The following ZFP92 variants were observed in gnomAD, a reference collection of about 807,000 sequenced individuals.
The protein encoded by ZFP92 is ZFP92 zinc finger protein.
Under a neutral mutation model 7.6 loss-of-function variants are expected in ZFP92, and 2 were observed. That is an observed-to-expected ratio of 0.26 (90% CI 0.11 to 0.83). ZFP92 has a LOEUF of 0.83. Among genes scored for constraint, ZFP92 ranks in the 40% least tolerant of loss-of-function variants. The probability of loss-of-function intolerance (pLI) is 0.65; values close to 1 mark genes in which losing one functional copy is unlikely to be tolerated. For missense variants in ZFP92, 324 were observed against 408.3 expected, an observed-to-expected ratio of 0.79 and a Z score of 1.78; for synonymous variants, 226 against 183.6, an observed-to-expected ratio of 1.23 and a Z score of -1.87.
rs782507537 is a variant in ZFP92, at chrX:153,421,376, G to T, written c.999G>T (p.Ser333=). The T allele has an allele frequency of 5.2e-6, 6 of 1,158,191 alleles. No individual in the cohort carries two copies. In the African/African-American group the frequency reaches 8.9e-5, roughly 17 times the overall value. Residue 333 remains serine (S), a synonymous_variant, in exon 6 of 6, where the codon TCG becomes TCT. Transcript: ENST00000338647. ...RECGKAFRGR[S]GLSQHRRVHS... ...GCGGCAAGGCCTTCCGTGGCCGTTC[G>T]GGCCTCAGCCAGCACCGGCGCGTGC...
rs1292881657 is a variant in ZFP92 at position 153,424,964 on chromosome X, G to A, written c.*3336G>A. On this transcript the variant is annotated 3_prime_UTR_variant, in exon 6 of 6. Coordinates refer to ENST00000338647, the MANE Select transcript of ZFP92 (RefSeq NM_001136273.2). ...GAGCTGGGCTTTGGGTGTTCCTTGT[G>A]GGGGTCCCTGTGAAGGTAAGACAGA... is the stretch of plus-strand genomic sequence containing the variant. 8.9e-6 allele frequency: 1 copy of A among 112,605 alleles called. No individual in the cohort carries two copies. The highest frequency in any genetic ancestry group is 1.9e-5 in the Non-Finnish European group (1 of 53,348). The allele number at this position is 112,605 out of a possible 1,213,427, so 9.3% of individuals were successfully genotyped here. A position where few individuals can be genotyped will look rare whatever the true frequency, so the allele number is the denominator to read the frequency against.
intron 2 of ZFP92, among the ~76,000 whole-genome samples, chrX:153,415,407 A>G (rs182626205): frequency 1.5e-4 from 17 of 112,436 alleles, no homozygotes; most frequent in African/African-American, 5.2e-4. Context: ...GTTCATCCAC[A>G]TGGTAGCATG....
At chrX:153,420,379 TAGC>T in intron 5 of ZFP92, 47 bp downstream of exon 5, 1 of 1,061,815 alleles carries the variant, frequency 9.4e-7, no homozygotes, top group Non-Finnish European at 1.3e-6. Context: ...TAAAAAGAAA[TAGC>T]AGTGGCAAAG....
At chrX:153,418,424 G>A (rs958641992) in intron 3 of ZFP92, 69 bp downstream of exon 3, 3 of 1,126,761 alleles carry the variant, frequency 2.7e-6, no homozygotes, top group Non-Finnish European at 3.6e-6. Context: ...TCATGCCCAG[G>A]CCTCTCCAGC....
chrX:153,416,061 A>T (rs1556973690), intron 2 of ZFP92, among the ~76,000 whole-genome samples: 1 of 111,107 alleles, frequency 9.0e-6, no homozygotes, highest in Non-Finnish European at 1.9e-5. Context: ...TCCCCCCATG[A>T]CACTGATTTG....
chrX:153,417,479 A>G (rs1256243967), intron 2 of ZFP92, among the ~76,000 whole-genome samples: 1 of 111,803 alleles, frequency 8.9e-6, no homozygotes, highest in African/African-American at 3.3e-5. Context: ...TCATTTTGCA[A>G]AGGGAGGTCG....
Position 153,421,087 on chromosome X carries a change from CCTGCGGCGA to C in ZFP92, c.718_726del (p.Asp240_Gly242del), listed in dbSNP as rs1203709281. ...ATCCACAGCGGCGAGCGGCCCTTCG[CCTGCGGCGA>C]CTGCGGCAAACTGTTCCGCCGCAGC... On this transcript the variant is annotated inframe_deletion, in exon 6 of 6. Coordinates refer to ENST00000338647, the MANE Select transcript of ZFP92 (RefSeq NM_001136273.2). 8.5e-7 allele frequency: 1 copy of C among 1,180,945 alleles called. No homozygotes were observed. The highest frequency in any genetic ancestry group is 1.1e-6 in the Non-Finnish European group (1 of 880,409).
At chrX:153,416,899 T>A (rs1218463564) in intron 2 of ZFP92, among the ~76,000 whole-genome samples, 1 of 111,168 alleles carries the variant, frequency 9.0e-6, no homozygotes, top group African/African-American at 3.3e-5. Context: ...TGTGCAGAGA[T>A]CACGTGGCCA....
At position 153,424,234 on chromosome X, in the gene ZFP92, C is replaced by T. The variant is rs2124303932; in HGVS notation, c.*2606C>T. The T allele has an allele frequency of 9.0e-6, 1 of 111,513 alleles. No individual in the cohort carries two copies. The highest frequency in any genetic ancestry group is 1.9e-5 in the Non-Finnish European group (1 of 53,076). The allele number at this position is 111,513 out of a possible 1,213,427, so 9.2% of individuals were successfully genotyped here. A position where few individuals can be genotyped will look rare whatever the true frequency, so the allele number is the denominator to read the frequency against. On this transcript the variant is annotated 3_prime_UTR_variant, in exon 6 of 6. Coordinates refer to ENST00000338647, the MANE Select transcript of ZFP92 (RefSeq NM_001136273.2). ...CACTTGCACTGTGACTTTGGAGTGCCGGGAAAAGTTCCAGGGTCCCCAGTG... is the reference window on the plus strand; with the variant it reads ...CACTTGCACTGTGACTTTGGAGTGCTGGGAAAAGTTCCAGGGTCCCCAGTG...
intron 4 of ZFP92, among the ~76,000 whole-genome samples, chrX:153,419,323 C>T (rs1016294371): frequency 1.1e-4 from 12 of 112,680 alleles, no homozygotes; most frequent in Non-Finnish European, 1.9e-4. Context: ...TGCTCTCCCC[C>T]TTCCATGCCA....
chrX:153,415,272 C>G (rs1358620412), intron 2 of ZFP92, among the ~76,000 whole-genome samples: 1 of 112,500 alleles, frequency 8.9e-6, no homozygotes, highest in Non-Finnish European at 1.9e-5. Flanking sequence ...AGGTTTTAGC[C>G]ACTATTTCAA....
intron 2 of ZFP92, among the ~76,000 whole-genome samples, chrX:153,413,921 T>C (rs1433126079): frequency 8.9e-6 from 1 of 112,519 alleles, no homozygotes; most frequent in Non-Finnish European, 1.9e-5. Context: ...CTTCCGATGC[T>C]GCACTTGAGT....
chrX:153,417,084 G>A (rs782183124), intron 2 of ZFP92, among the ~76,000 whole-genome samples: 24 of 112,359 alleles, frequency 2.1e-4, no homozygotes, highest in Non-Finnish European at 3.9e-4. Context: ...AAATTGCAAC[G>A]TGACGTGTGG....
chrX:153,415,979 C>G (rs782216500), intron 2 of ZFP92, among the ~76,000 whole-genome samples: 1 of 111,225 alleles, frequency 9.0e-6, no homozygotes, highest in South Asian at 3.8e-4. Context: ...TTGACGACCC[C>G]TCTTGCAGTT....
chrX:153,417,297 G>A (rs1379336249), intron 2 of ZFP92, among the ~76,000 whole-genome samples: 2 of 112,358 alleles, frequency 1.8e-5, no homozygotes, highest in East Asian at 2.8e-4. Context: ...TCAGCACCAC[G>A]AATGCCAAAT....
At chrX:153,417,759 T>C (rs2088964989) in intron 2 of ZFP92, among the ~76,000 whole-genome samples, 1 of 111,904 alleles carries the variant, frequency 8.9e-6, no homozygotes, top group Non-Finnish European at 1.9e-5. Context: ...AAAAGACATA[T>C]TGAAGTCTCA....
chrX:153,420,390 A>C, intron 5 of ZFP92, 58 bp downstream of exon 5: 2 of 1,027,783 alleles, frequency 1.9e-6, no homozygotes, highest in East Asian at 3.4e-5. Context: ...AGCAGTGGCA[A>C]AGGGGGCGGG....
chrX:153,417,382 C>T (rs1223419047), intron 2 of ZFP92, among the ~76,000 whole-genome samples: 1 of 112,312 alleles, frequency 8.9e-6, no homozygotes, highest in East Asian at 2.8e-4. Flanking sequence ...CAGCCTCCAG[C>T]TCTCTGCCTG....
chrX:153,419,104 G>C (rs954542163), intron 4 of ZFP92, among the ~76,000 whole-genome samples: 10 of 112,985 alleles, frequency 8.9e-5, no homozygotes, highest in Non-Finnish European at 1.7e-4. Flanking sequence ...TCAAAAGAGA[G>C]ATGCAAATTC....
Sources: allele counts gnomAD v4.1 joint callset (sites outside exome capture counted in the v4.1 genomes callset), GRCh38; gene constraint gnomAD v4.1.1; transcripts MANE v1.5; gene names NCBI Gene and HGNC (gene_info 2026-07-23, HGNC 2026-07-21).